The following FBXW11 variants were observed in gnomAD, a reference collection of about 807,000 sequenced individuals.
FBXW11 encodes F-box/WD repeat-containing protein 11.
FBXW11 carries 19 observed loss-of-function variants against 77.6 expected under a neutral mutation model. The observed-to-expected ratio is 0.24, with a 90% confidence interval of 0.17 to 0.36. The LOEUF (loss-of-function observed/expected upper bound fraction) is 0.36, where lower values mean the gene tolerates loss of function less well. Ranked by LOEUF, FBXW11 falls within the 10% of genes least tolerant of loss-of-function variation. The pLI, the probability that FBXW11 is intolerant of heterozygous loss-of-function variation, is 1.00. For synonymous variants in FBXW11, 235 were observed against 249.4 expected, an observed-to-expected ratio of 0.94 and a Z score of 0.54; for missense variants, 334 against 704.2, an observed-to-expected ratio of 0.47 and a Z score of 5.95.
chr5:171,908,394 C>T (rs201039457), intron 4 of FBXW11, among the ~76,000 whole-genome samples: 2 of 152,114 alleles, frequency 1.3e-5, no homozygotes, highest in South Asian at 4.1e-4. Context: ...ATTTTTGAAC[C>T]AACCCCTACC....
At position 171,970,434 on chromosome 5, in the gene FBXW11, T is replaced by C. The variant is rs1237216102; in HGVS notation, c.46-12736A>G. Among the ~76,000 whole-genome samples the C allele has an allele frequency of 1.4e-4, 21 of 152,214 alleles. 1 individual carries two copies. The highest frequency in any genetic ancestry group is 1.4e-3 in the Admixed American group (21 of 15,284). ...CAGAACTGTGAGCCAATTAAACCTC[T>C]TTTCTTAATATTTATAAACCACCCA... On this transcript the variant is annotated intron_variant, in intron 1 of 13. Coordinates refer to ENST00000517395, the MANE Select transcript of FBXW11 (RefSeq NM_001378974.1).
intron 2 of FBXW11, among the ~76,000 whole-genome samples, chr5:171,925,111 G>A (rs1258986407): frequency 6.6e-6 from 1 of 152,144 alleles, no homozygotes; most frequent in East Asian, 1.9e-4. Flanking sequence ...CAGGGGCACT[G>A]CCAGCTGCAA....
At chr5:171,953,729 G>A (rs1289665986) in intron 2 of FBXW11, among the ~76,000 whole-genome samples, 2 of 152,118 alleles carry the variant, frequency 1.3e-5, no homozygotes, top group Admixed American at 1.3e-4. Context: ...GGAAAATAAA[G>A]TAACTTGCCC....
In FBXW11 at chr5:171,880,534, T is replaced by A. The variant is rs545448648; in HGVS notation, c.853-2405A>T. 5.9e-5 allele frequency among the ~76,000 whole-genome samples: 9 copies of A among 152,358 alleles called. No individual in the cohort carries two copies. The South Asian group carries it at 1.7e-3, about 28-fold the overall frequency. On this transcript the variant is annotated intron_variant, in intron 7 of 13. Transcript: ENST00000517395. ...CCAATTTGGGAAGAAATGACTGACATCCTCACAATAGTCTTCCTACCCATG... is the reference window on the plus strand; with the variant it reads ...CCAATTTGGGAAGAAATGACTGACAACCTCACAATAGTCTTCCTACCCATG...
rs1757135296 is a variant in FBXW11 at position 171,862,231 on chromosome 5, C to T, written c.*1896G>A. 1 of 152,582 alleles carries T rather than the reference C, an allele frequency of 6.6e-6. No individual in the cohort carries two copies. Among genetic ancestry groups the T allele is most frequent in the African/African-American group, 2.4e-5 (1 of 41,452 alleles). 9.5% of individuals were successfully genotyped at this position (152,582 alleles called of 1,614,324 possible). ...TTCACAACCACCATCAAGCTTACAA[C>T]ATCCACCTTATGAATGGAGGTTTAT... On this transcript the variant is annotated 3_prime_UTR_variant, in exon 14 of 14. Transcript: ENST00000517395.
intron 12 of FBXW11, 68 bp from the exon 13 acceptor site, chr5:171,868,864 CTG>C (rs1038678678): frequency 1.4e-6 from 2 of 1,454,848 alleles, no homozygotes; most frequent in African/African-American, 2.8e-5. Flanking sequence ...CAATGAGAAA[CTG>C]GGCAGAAGAT....
intron 1 of FBXW11, chr5:172,003,118 T>A (rs1766516708): frequency 6.6e-6 from 1 of 152,200 alleles, no homozygotes; most frequent in Non-Finnish European, 1.5e-5. Flanking sequence ...AAAAGGGAAG[T>A]CATTTAACAA....
chr5:171,968,097 T>C (rs1239798795), intron 1 of FBXW11, among the ~76,000 whole-genome samples: 1 of 152,040 alleles, frequency 6.6e-6, no homozygotes, highest in East Asian at 1.9e-4. Flanking sequence ...CATAGCAACT[T>C]GCCCCCTGAC....
chr5:171,951,372 C>T (rs935488150), intron 2 of FBXW11, among the ~76,000 whole-genome samples: 7 of 151,838 alleles, frequency 4.6e-5, no homozygotes, highest in Non-Finnish European at 1.0e-4. Context: ...CCTGTCTGTA[C>T]AAAAAACTGA....
chr5:171,928,950 G>A (rs1453831218), intron 2 of FBXW11, among the ~76,000 whole-genome samples: 1 of 152,102 alleles, frequency 6.6e-6, no homozygotes, highest in Non-Finnish European at 1.5e-5. Context: ...GCATGTGCCT[G>A]TAATCCCAGC....
At chr5:171,907,315 G>A (rs888260599) in intron 4 of FBXW11, among the ~76,000 whole-genome samples, 5 of 152,062 alleles carry the variant, frequency 3.3e-5, no homozygotes, top group South Asian at 4.1e-4. Context: ...AAATGAAGTC[G>A]TAAGTTGACT....
At chr5:171,953,777 G>A (rs1284664308) in intron 2 of FBXW11, among the ~76,000 whole-genome samples, 1 of 152,152 alleles carries the variant, frequency 6.6e-6, no homozygotes, top group Non-Finnish European at 1.5e-5. Context: ...AACAGGACTA[G>A]AATAGAGGTT....
intron 4 of FBXW11, among the ~76,000 whole-genome samples, chr5:171,905,013 T>C (rs1459744140): frequency 6.6e-6 from 1 of 152,230 alleles, no homozygotes; most frequent in Admixed American, 6.5e-5. Context: ...TTTACAGAAA[T>C]AAATCCCTTA....
At chr5:171,968,272 C>G (rs187353700) in intron 1 of FBXW11, among the ~76,000 whole-genome samples, 1 of 151,758 alleles carries the variant, frequency 6.6e-6, no homozygotes, top group East Asian at 1.9e-4. Context: ...CCGGCTAACA[C>G]GGTGAAACCC....
intron 2 of FBXW11, among the ~76,000 whole-genome samples, chr5:171,956,265 T>G (rs967468726): frequency 5.9e-5 from 9 of 152,216 alleles, no homozygotes; most frequent in African/African-American, 2.2e-4. Context: ...ATGGCTGCCA[T>G]TCCAAGAACA....
At chr5:171,894,457 G>A (rs1159947672) in intron 6 of FBXW11, among the ~76,000 whole-genome samples, 1 of 152,180 alleles carries the variant, frequency 6.6e-6, no homozygotes, top group Non-Finnish European at 1.5e-5. Context: ...AGAATCATTA[G>A]TTTCTTGAAT....
intron 1 of FBXW11, among the ~76,000 whole-genome samples, chr5:171,992,184 C>T (rs967355742): frequency 6.6e-6 from 1 of 150,610 alleles, no homozygotes; most frequent in Non-Finnish European, 1.5e-5. Context: ...AATCCCAGCA[C>T]TTTTGGAGGC....
intron 7 of FBXW11, among the ~76,000 whole-genome samples, chr5:171,881,792 G>A (rs956469209): frequency 1.3e-5 from 2 of 152,266 alleles, no homozygotes; most frequent in Non-Finnish European, 2.9e-5. Flanking sequence ...TTGTTTTTAT[G>A]TCAATTTTGG....
chr5:171,869,050 G>A lies in FBXW11; in HGVS notation c.1531-254C>T, dbSNP rs1261199925. On this transcript the variant is annotated intron_variant, in intron 12 of 13. Transcript: ENST00000517395. This position sits in a 1 kb window ranked among gnomAD's most constrained non-coding sequence, Gnocchi z 4.1. ...ATATTTCAAAGATCATCTCAAAAAG[G>A]GCCTTATAAAAGTAAACAACAATAC... Among the ~76,000 whole-genome samples, 2 of 152,004 alleles carry A rather than the reference G, an allele frequency of 1.3e-5. No homozygotes were observed. Among genetic ancestry groups the A allele is most frequent in the Admixed American group, 1.3e-4 (2 of 15,270 alleles).
Sources: gnomAD v4.1 joint callset for allele counts (sites outside exome capture counted in the v4.1 genomes callset) on GRCh38, gnomAD v4.1.1 for gene constraint, Gnocchi (gnomAD v3.1) non-coding constraint, MANE v1.5 for transcripts, NCBI Gene and HGNC (gene_info 2026-07-23, HGNC 2026-07-21) for gene names.